SLC6A2: variants seen among roughly 807,000 people sequenced by gnomAD.
The protein encoded by SLC6A2 is sodium-dependent noradrenaline transporter.
In SLC6A2, 26 loss-of-function variants were observed where a neutral mutation model predicts 71.7. The ratio of observed to expected loss-of-function variants is 0.36; its 90% confidence interval spans 0.27 to 0.50. SLC6A2 has a LOEUF of 0.50. Among genes scored for constraint, SLC6A2 ranks in the 20% least tolerant of loss-of-function variants. The pLI, the probability that SLC6A2 is intolerant of heterozygous loss-of-function variation, is 0.96. For missense variants in SLC6A2, 581 were observed against 803.9 expected, an observed-to-expected ratio of 0.72 and a Z score of 3.35; for synonymous variants, 363 against 337.9, an observed-to-expected ratio of 1.07 and a Z score of -0.82.
intron 4 of SLC6A2, among the ~76,000 whole-genome samples, chr16:55,678,724 A>G (rs147821246): frequency 2.2e-3 from 335 of 152,326 alleles, no homozygotes; most frequent in African/African-American, 7.6e-3. Flanking sequence ...TCTGTGCTAA[A>G]TATCAAGTGA....
At chr16:55,700,344 G>C in intron 13 of SLC6A2, 38 bp downstream of exon 13, 1 of 1,564,922 alleles carries the variant, frequency 6.4e-7, no homozygotes. Flanking sequence ...AGGGTGGGAG[G>C]GGGCTGAGGG....
chr16:55,681,630 C>G (rs80167425), intron 4 of SLC6A2, among the ~76,000 whole-genome samples: 1 of 152,316 alleles, frequency 6.6e-6, no homozygotes, highest in East Asian at 1.9e-4. Context: ...TTTCTTTCAC[C>G]TGCCTGGAAA....
rs115236113 is a variant in SLC6A2 at position 55,657,685 on chromosome 16, G to T, written c.274+717G>T. On this transcript the variant is annotated intron_variant, in intron 2 of 14. Coordinates refer to ENST00000568943, the MANE Select transcript of SLC6A2 (RefSeq NM_001172501.3). The stretch of plus-strand genomic sequence containing the variant: ...ACCTCTACCTCCTCAAGTTCTAGCC[G>T]CATTGCAGGGAGGAGTGGGAGAGGG... Among the ~76,000 whole-genome samples the T allele has an allele frequency of 2.6e-5, 4 of 152,252 alleles. No individual in the cohort carries two copies. In the East Asian group the frequency reaches 7.8e-4, roughly 30 times the overall value.
In SLC6A2 at chr16:55,675,295, T is replaced by A. The variant is rs143319989; in HGVS notation, c.644+3120T>A. Among the ~76,000 whole-genome samples the A allele has an allele frequency of 6.6e-5, 10 of 152,356 alleles. No homozygotes were observed. The East Asian group carries it at 1.9e-3, about 29-fold the overall frequency. On this transcript the variant is annotated intron_variant, in intron 4 of 14. Transcript: ENST00000568943. Reference sequence around the variant, plus strand: ...TGCTAGCAGGTAAGCAGAAAGTACCTGATACAACTTGTGGGGCAGACAGGA... The same window carrying A: ...TGCTAGCAGGTAAGCAGAAAGTACCAGATACAACTTGTGGGGCAGACAGGA...
At chr16:55,692,162 C>T (rs1965654132) in intron 6 of SLC6A2, 110 bp downstream of exon 6, 3 of 1,275,386 alleles carry the variant, frequency 2.4e-6, no homozygotes, top group Non-Finnish European at 3.4e-6. Context: ...TGCAGTGTAG[C>T]CTTGGACAGG....
chr16:55,673,111 T>C (rs1390169089), intron 4 of SLC6A2, among the ~76,000 whole-genome samples: 1 of 152,204 alleles, frequency 6.6e-6, no homozygotes, highest in Non-Finnish European at 1.5e-5. Context: ...CAATCTTTGC[T>C]CTTCCTTGAT....
At position 55,702,520 on chromosome 16, in the gene SLC6A2, C is replaced by A. The variant is rs1485176275; in HGVS notation, c.*174C>A. ...CGTGACTGTAGTTTTTGTTCACCTT[C>A]TGTGCATCTGGCCTGGGGGCTGTTA... is the stretch of plus-strand genomic sequence containing the variant. On this transcript the variant is annotated 3_prime_UTR_variant, in exon 15 of 15. Coordinates refer to ENST00000568943, the MANE Select transcript of SLC6A2 (RefSeq NM_001172501.3). The A allele has an allele frequency of 1.3e-6, 2 of 1,515,072 alleles. No homozygotes were observed. Among genetic ancestry groups the A allele is most frequent in the African/African-American group, 2.8e-5 (2 of 72,528 alleles). 93.9% of individuals were successfully genotyped at this position (1,515,072 alleles called of 1,614,324 possible). A position where few individuals can be genotyped will look rare whatever the true frequency, so the allele number is the denominator to read the frequency against.
Position 55,703,248 on chromosome 16 carries a change from G to T in SLC6A2, c.*902G>T, listed in dbSNP as rs916481306. ...GAAACGGGGGCAGGGACCAAGTGAG[G>T]CCTCATGTGTGTCTTCACCGTGCTG... On this transcript the variant is annotated 3_prime_UTR_variant, in exon 15 of 15. Transcript: ENST00000568943. The T allele has an allele frequency of 1.0e-5, 10 of 985,448 alleles. No homozygotes were observed. The highest frequency in any genetic ancestry group is 6.1e-5 in the Admixed American group (1 of 16,272). The allele number at this position is 985,448 out of a possible 1,614,324, so 61.0% of individuals were successfully genotyped here.
Position 55,703,400 on chromosome 16 carries a change from A to C in SLC6A2, c.*1054A>C, listed in dbSNP as rs1339815009. The C allele has an allele frequency of 2.0e-6, 2 of 985,344 alleles. No homozygotes were observed. The highest frequency in any genetic ancestry group is 3.5e-5 in the African/African-American group (2 of 57,254). 61.0% of individuals were successfully genotyped at this position (985,344 alleles called of 1,614,324 possible). A position where few individuals can be genotyped will look rare whatever the true frequency, so the allele number is the denominator to read the frequency against. On this transcript the variant is annotated 3_prime_UTR_variant, in exon 15 of 15. Coordinates refer to ENST00000568943, the MANE Select transcript of SLC6A2 (RefSeq NM_001172501.3). The stretch of plus-strand genomic sequence containing the variant: ...TGGAGTGGACCAGGGGTCTTGAGAA[A>C]TGGAGAGTTGGCTGCAAAAACTCTC...
At chr16:55,686,689 C>G (rs1433027850) in intron 5 of SLC6A2, among the ~76,000 whole-genome samples, 3 of 152,074 alleles carry the variant, frequency 2.0e-5, no homozygotes, top group Non-Finnish European at 4.4e-5. Context: ...GGAGCAGCAG[C>G]CAGTAGAGAT....
intron 13 of SLC6A2, among the ~76,000 whole-genome samples, 171 bp downstream of exon 13, chr16:55,700,477 C>A (rs1040225105): frequency 3.9e-5 from 6 of 152,162 alleles, no homozygotes; most frequent in African/African-American, 1.4e-4. Flanking sequence ...TCAGTTTCCA[C>A]ATCTGTATAT....
At chr16:55,674,361 A>G (rs1294844866) in intron 4 of SLC6A2, among the ~76,000 whole-genome samples, 1 of 152,118 alleles carries the variant, frequency 6.6e-6, no homozygotes, top group African/African-American at 2.4e-5. Flanking sequence ...TGCAAAGGAC[A>G]TGATTTTGTC....
chr16:55,685,058 T>C, intron 4 of SLC6A2, 85 bp from the exon 5 acceptor site: 2 of 1,364,190 alleles, frequency 1.5e-6, no homozygotes, highest in South Asian at 2.4e-5. Context: ...TCAGCATGCA[T>C]TTGCAGGGAC....
chr16:55,699,692 G>T (rs1306458085), intron 12 of SLC6A2, 38 bp downstream of exon 12: 3 of 1,433,146 alleles, frequency 2.1e-6, no homozygotes, highest in Non-Finnish European at 2.0e-6. Context: ...CATGTGGGGA[G>T]GGGGCTGTGT....
In SLC6A2 at chr16:55,705,241, G is replaced by A. The variant is rs543030756; in HGVS notation, c.*2895G>A. The stretch of plus-strand genomic sequence containing the variant: ...ATGAAAACGAGACAAGGGAGAAGGA[G>A]AGCTACCAACTCTTGCCAGATATCC... On this transcript the variant is annotated 3_prime_UTR_variant, in exon 15 of 15. Transcript: ENST00000568943. 2.6e-6 allele frequency: 4 copies of A among 1,536,414 alleles called. No homozygotes were observed. Among genetic ancestry groups the A allele is most frequent in the East Asian group, 2.4e-5 (1 of 40,898 alleles).
intron 4 of SLC6A2, among the ~76,000 whole-genome samples, chr16:55,679,374 G>T (rs1300019416): frequency 3.3e-5 from 5 of 151,974 alleles, no homozygotes; most frequent in Non-Finnish European, 7.4e-5. Flanking sequence ...CTACAGGTGT[G>T]TGCCACCACA....
At chr16:55,670,330 G>A (rs1397454913) in intron 3 of SLC6A2, among the ~76,000 whole-genome samples, 3 of 152,164 alleles carry the variant, frequency 2.0e-5, no homozygotes, top group Non-Finnish European at 2.9e-5. Context: ...CCGCTGGCAC[G>A]TGCCTCCTGA....
rs772465017 is a variant in SLC6A2 at position 55,696,211 on chromosome 16, G to T, written c.1148-14G>T. 3.3e-6 allele frequency: 5 copies of T among 1,505,000 alleles called. No individual in the cohort carries two copies. The highest frequency in any genetic ancestry group is 4.6e-6 in the Non-Finnish European group (5 of 1,080,522). 93.2% of individuals were successfully genotyped at this position (1,505,000 alleles called of 1,614,324 possible). A position where few individuals can be genotyped will look rare whatever the true frequency, so the allele number is the denominator to read the frequency against. On this transcript the variant is annotated splice_polypyrimidine_tract_variant and intron_variant, in intron 8 of 14. Coordinates refer to ENST00000568943, the MANE Select transcript of SLC6A2 (RefSeq NM_001172501.3). ...GGTTTCAGCCATTGATGAGGTCCTT[G>T]ATGTTTCTTACAGGAGCTGGCCTAG...
chr16:55,662,351 G>A (rs1964632319), intron 2 of SLC6A2, among the ~76,000 whole-genome samples: 1 of 152,094 alleles, frequency 6.6e-6, no homozygotes, highest in Non-Finnish European at 1.5e-5. Flanking sequence ...CCATTATTTA[G>A]CCAAAAAAAA....
Sources: gnomAD v4.1 joint callset for allele counts (sites outside exome capture counted in the v4.1 genomes callset) on GRCh38, gnomAD v4.1.1 for gene constraint, MANE v1.5 for transcripts, NCBI Gene and HGNC (gene_info 2026-07-23, HGNC 2026-07-21) for gene names.